SMG8: variants seen among roughly 807,000 people sequenced by gnomAD.
SMG8 encodes the protein nonsense-mediated mRNA decay factor SMG8.
In SMG8, 49 loss-of-function variants were observed where a neutral mutation model predicts 82.1. The ratio of observed to expected loss-of-function variants is 0.60; its 90% CI spans 0.47 to 0.76. The LOEUF (loss-of-function observed/expected upper bound fraction) is 0.76, where lower values mean the gene tolerates loss of function less well. SMG8 is among the 30% of genes least tolerant of loss of function. SMG8 has a pLI of 0.00. For missense variants in SMG8, 969 were observed against 1,166.4 expected, an observed-to-expected ratio of 0.83 and a Z score of 2.46; for synonymous variants, 404 against 430.0, an observed-to-expected ratio of 0.94 and a Z score of 0.75.
chr17:59,215,122 GAGTTC>G lies in SMG8; in HGVS notation c.*124_*128del. ...AATCCAAAATGTGTTTTGGTTACAG[GAGTTC>G]AGTATTTGGAAACTAATTTGTTCTA... On this transcript the variant is annotated 3_prime_UTR_variant, in exon 4 of 4. Transcript: ENST00000300917. 1 of 641,232 alleles carries G rather than the reference GAGTTC, an allele frequency of 1.6e-6. No individual in the cohort carries two copies. The highest frequency in any genetic ancestry group is 2.0e-5 in the South Asian group (1 of 50,568). 39.7% of individuals were successfully genotyped at this position (641,232 alleles called of 1,614,324 possible).
rs576944169 is a variant in SMG8 at position 59,210,323 on chromosome 17, G to C, written c.272G>C (p.Gly91Ala). ...RHQDPGDPGPGIRTEAGAVGE... is the reference protein window; with the variant it reads ...RHQDPGDPGPAIRTEAGAVGE... ...CAAGATCCTGGGGATCCAGGACCTG[G>C]AATCAGAACTGAGGCTGGCGCCGTG... Residue 91 changes from glycine to alanine, a missense_variant, in exon 1 of 4, where the codon GGA becomes GCA. Physicochemically the swap from Gly to Ala is moderately conservative, Grantham distance 60 (BLOSUM62 0). Around this residue, in one of 3 missense-constraint regions of SMG8, gnomAD observed 206 missense variants for 190.5 expected, o/e 1.08. Coordinates refer to ENST00000300917, the MANE Select transcript of SMG8 (RefSeq NM_018149.7). The C allele has an allele frequency of 7.2e-5, 116 of 1,612,982 alleles. 1 individual carries two copies. The South Asian group carries it at 1.2e-3, about 17-fold the overall frequency.
In SMG8 at chr17:59,212,788, A is replaced by T; in HGVS notation, c.1965A>T (p.Pro655=). The change falls in exon 3 of 4, where the codon CCA becomes CCT. Residue 655 remains proline, a synonymous_variant. Transcript: ENST00000300917. ...LDHINFPVFE[P]STPDPAPAKN... ...ATATCAATTTCCCAGTATTTGAACC[A>T]AGTACTCCAGATCCTGCTCCTGCTA... 1 of 1,613,868 alleles carries T rather than the reference A, an allele frequency of 6.2e-7. No individual in the cohort carries two copies. The highest frequency in any genetic ancestry group is 2.2e-5 in the East Asian group (1 of 44,880).
Position 59,210,092 on chromosome 17 carries a change from C to T in SMG8, c.41C>T (p.Ala14Val), listed in dbSNP as rs200954396. The change falls in exon 1 of 4, where the codon GCA (alanine) becomes GTA (valine). Residue 14 changes from alanine (A) to valine (V), a missense_variant. This residue lies in a region of SMG8 where 206 missense variants were observed against 190.5 expected (regional missense o/e 1.08). Coordinates refer to ENST00000300917, the MANE Select transcript of SMG8 (RefSeq NM_018149.7). ...PVSLRDLLMG[A>V]SAWMGSESPG... ...AGCTTGCGAGACCTTCTAATGGGAG[C>T]ATCAGCCTGGATGGGCTCTGAAAGT... 5.0e-4 allele frequency: 792 copies of T among 1,580,798 alleles called. 1 individual carries two copies. The highest frequency in any genetic ancestry group is 1.0e-3 in the Middle Eastern group (6 of 5,872).
intron 1 of SMG8, 185 bp downstream of exon 1, chr17:59,211,995 T>C: frequency 2.0e-6 from 1 of 495,898 alleles, no homozygotes. Context: ...TACTTTCTTA[T>C]TTTTTTTCAT....
At position 59,210,309 on chromosome 17, in the gene SMG8, G is replaced by T; in HGVS notation, c.258G>T (p.Gly86=). 6.2e-7 allele frequency: 1 copy of T among 1,613,096 alleles called. No individual in the cohort carries two copies. The highest frequency in any genetic ancestry group is 8.5e-7 in the Non-Finnish European group (1 of 1,179,744). Residue 86 remains glycine (G), a synonymous_variant, in exon 1 of 4, where the codon GGG becomes GGT. Transcript: ENST00000300917. ...VFPLFRHQDP[G]DPGPGIRTEA... ...CTCTCTTTCGCCACCAAGATCCTGG[G>T]GATCCAGGACCTGGAATCAGAACTG...
intron 1 of SMG8, 56 bp downstream of exon 1, chr17:59,211,866 CTT>C: frequency 7.0e-7 from 1 of 1,430,324 alleles, no homozygotes. Flanking sequence ...TGTTTTCATT[CTT>C]GTTTTAAGAT....
intron 2 of SMG8, 68 bp downstream of exon 2, chr17:59,212,554 T>C: frequency 6.5e-7 from 1 of 1,548,332 alleles, no homozygotes; most frequent in Non-Finnish European, 8.8e-7. Context: ...AGTAAAAACA[T>C]ATTTTCAATA....
rs147726953 is a variant in SMG8, at chr17:59,213,099, T to G, written c.2276T>G (p.Leu759Arg). 1.1e-5 allele frequency: 17 copies of G among 1,614,078 alleles called. No individual in the cohort carries two copies. The highest frequency in any genetic ancestry group is 1.3e-5 in the African/African-American group (1 of 74,934). The change falls in exon 3 of 4, where the codon CTC becomes CGC. Residue 759 changes from leucine (L) to arginine (R), a missense_variant. Leu to Arg is a moderately radical substitution (Grantham distance 102). This residue lies in a region of SMG8 where 662 missense variants were observed against 884.8 expected (regional missense o/e 0.75). Transcript: ENST00000300917. ...CTACATTCAAATTGCCCTAAAGGTC[T>G]CCTACCCAAATTCTCCAGCTGGTCT... ...GMLHSNCPKGLLPKFSSWSLV... is the reference protein window; with the variant it reads ...GMLHSNCPKGRLPKFSSWSLV...
At chr17:59,212,665 G>A in intron 2 of SMG8, 64 bp from the exon 3 acceptor site, 1 of 1,515,768 alleles carries the variant, frequency 6.6e-7, no homozygotes. Flanking sequence ...TATTGATCTT[G>A]TTAGAATGAA....
In SMG8 at chr17:59,215,030, C is replaced by T. The variant is rs760004342; in HGVS notation, c.*28C>T. ...GTTTTCCAGCCAGTTCAATCCTATA[C>T]TTGAGCTGGTTTTTGTTTTTGGTAT... On this transcript the variant is annotated 3_prime_UTR_variant, in exon 4 of 4. Transcript: ENST00000300917. 1.2e-6 allele frequency: 1 copy of T among 861,210 alleles called. No individual in the cohort carries two copies. The highest frequency in any genetic ancestry group is 2.0e-6 in the Non-Finnish European group (1 of 493,648). The allele number at this position is 861,210 out of a possible 1,614,324, so 53.3% of individuals were successfully genotyped here. A position where few individuals can be genotyped will look rare whatever the true frequency, so the allele number is the denominator to read the frequency against.
At chr17:59,211,883 T>C (rs75126179) in intron 1 of SMG8, 73 bp downstream of exon 1, 1,454 of 1,307,644 alleles carry the variant, frequency 1.1e-3, no homozygotes, top group Admixed American at 1.8e-3. Context: ...TAAGATAGTC[T>C]GTTCACTATG....
rs1440142457 is a variant in SMG8 at position 59,212,774 on chromosome 17, C to T, written c.1951C>T (p.Pro651Ser). ...TGGAAAATTGGATCATATCAATTTC[C>T]CAGTATTTGAACCAAGTACTCCAGA... ...CCGKLDHINF[P>S]VFEPSTPDPA... Residue 651 changes from proline (P) to serine (S), a missense_variant, in exon 3 of 4, where the codon CCA (proline) becomes TCA (serine). By Grantham distance (74) the Pro-to-Ser change is moderately conservative. Around this residue, in one of 3 missense-constraint regions of SMG8, gnomAD observed 662 missense variants for 884.8 expected, o/e 0.75. Coordinates refer to ENST00000300917, the MANE Select transcript of SMG8 (RefSeq NM_018149.7). 1.2e-6 allele frequency: 2 copies of T among 1,611,078 alleles called. No homozygotes were observed. Among genetic ancestry groups the T allele is most frequent in the Non-Finnish European group, 1.7e-6 (2 of 1,179,410 alleles).
rs1284983542 is a variant in SMG8, at chr17:59,211,310, T to C, written c.1259T>C (p.Leu420Pro). The change falls in exon 1 of 4, where the codon CTA becomes CCA. Residue 420 changes from leucine to proline, a missense_variant. Leu to Pro is a moderately conservative substitution (Grantham distance 98). This residue lies in a region of SMG8 where 662 missense variants were observed against 884.8 expected (regional missense o/e 0.75). Coordinates refer to ENST00000300917, the MANE Select transcript of SMG8 (RefSeq NM_018149.7). ...GAATTCCTATGGCAGCATGTGGAGCTAGTTCTAAGCAAGAAAGGTTTCGAT... is the reference window on the plus strand; with the variant it reads ...GAATTCCTATGGCAGCATGTGGAGCCAGTTCTAAGCAAGAAAGGTTTCGAT... Reference protein sequence around the residue: ...LREFLWQHVELVLSKKGFDDS... With the variant: ...LREFLWQHVEPVLSKKGFDDS... 2 of 1,614,110 alleles carry C rather than the reference T, an allele frequency of 1.2e-6. No individual in the cohort carries two copies. Among genetic ancestry groups the C allele is most frequent in the South Asian group, 2.2e-5 (2 of 91,072 alleles).
At position 59,212,853 on chromosome 17, in the gene SMG8, ATAAACT is replaced by A. The variant is rs1006731426; in HGVS notation, c.2035_2040del (p.Leu679_Lys680del). ...CCTGCTCCTCCAGATTCGGATGCTG[ATAAACT>A]TAAAGAAAAAGAACCTCAAACCCAA... On this transcript the variant is annotated inframe_deletion, in exon 3 of 4. Transcript: ENST00000300917. 9.9e-6 allele frequency: 16 copies of A among 1,614,004 alleles called. No individual in the cohort carries two copies. The highest frequency in any genetic ancestry group is 1.4e-5 in the Non-Finnish European group (16 of 1,180,052).
rs2046952626 is a variant in SMG8, at chr17:59,213,083, A to G, written c.2260A>G (p.Asn754Asp). The G allele has an allele frequency of 3.1e-6, 5 of 1,614,084 alleles. No homozygotes were observed. Among genetic ancestry groups the G allele is most frequent in the Middle Eastern group, 1.6e-4 (1 of 6,084 alleles). Residue 754 changes from asparagine to aspartate, a missense_variant, in exon 3 of 4, where the codon AAT (asparagine) becomes GAT (aspartate). By Grantham distance (23) the Asn-to-Asp change is conservative. Around this residue, in one of 3 missense-constraint regions of SMG8, gnomAD observed 662 missense variants for 884.8 expected, o/e 0.75. Coordinates refer to ENST00000300917, the MANE Select transcript of SMG8 (RefSeq NM_018149.7). ...VEYLPGMLHS[N>D]CPKGLLPKFS... ...GTATCTCCCAGGCATGCTACATTCAAATTGCCCTAAAGGTCTCCTACCCAA... is the reference window on the plus strand; with the variant it reads ...GTATCTCCCAGGCATGCTACATTCAGATTGCCCTAAAGGTCTCCTACCCAA...
rs766280476 is a variant in SMG8, at chr17:59,211,823, T to C, written c.1759+13T>C. 10 of 1,507,772 alleles carry C rather than the reference T, an allele frequency of 6.6e-6. No homozygotes were observed. In the South Asian group the frequency reaches 1.3e-4, roughly 20 times the overall value. The allele number at this position is 1,507,772 out of a possible 1,614,324, so 93.4% of individuals were successfully genotyped here. A position where few individuals can be genotyped will look rare whatever the true frequency, so the allele number is the denominator to read the frequency against. On this transcript the variant is annotated intron_variant, in intron 1 of 3. Transcript: ENST00000300917. ...TTACCTAAATCAGGTAGCTAAAATTTGTTCAGCATTTTGAAATAAAAACTT... is the reference window on the plus strand; with the variant it reads ...TTACCTAAATCAGGTAGCTAAAATTCGTTCAGCATTTTGAAATAAAAACTT...
Position 59,211,690 on chromosome 17 carries a change from T to TA in SMG8, c.1640dup (p.Tyr547Ter). ...QHARGPAFHK[Y>*]AMQLHEDCYK... ...TGCTAGAGGTCCAGCATTTCACAAA[T>TA]ACGCCATGCAGTTACATGAGGACTG... is the stretch of plus-strand genomic sequence containing the variant. Residue 547 changes from tyrosine to a stop codon, truncating the protein, a stop_gained and frameshift_variant, in exon 1 of 4, where the codon TAC becomes TAAC. Transcript: ENST00000300917. LOFTEE classifies it high-confidence loss of function. The TA allele has an allele frequency of 1.9e-6, 3 of 1,614,070 alleles. No homozygotes were observed. Among genetic ancestry groups the TA allele is most frequent in the Non-Finnish European group, 1.7e-6 (2 of 1,180,014 alleles).
intron 3 of SMG8, 119 bp from the exon 4 acceptor site, chr17:59,214,686 C>T (rs1252545039): frequency 9.2e-6 from 6 of 654,780 alleles, no homozygotes; most frequent in Admixed American, 5.3e-5. Flanking sequence ...GAATTACAGG[C>T]GTGAGCCACC....
Position 59,211,577 on chromosome 17 carries a change from G to A in SMG8, c.1526G>A (p.Ser509Asn), listed in dbSNP as rs1198327750. The change falls in exon 1 of 4, where the codon AGT becomes AAT. Residue 509 changes from serine (S) to asparagine (N), a missense_variant. Coordinates refer to ENST00000300917, the MANE Select transcript of SMG8 (RefSeq NM_018149.7). ...RCQKALPMAH[S>N]AYQSNLPHNY... Reference sequence around the variant, plus strand: ...CAAAAAGCTTTACCCATGGCCCACAGTGCCTACCAGTCAAATTTGCCTCAT... The same window carrying A: ...CAAAAAGCTTTACCCATGGCCCACAATGCCTACCAGTCAAATTTGCCTCAT... The A allele has an allele frequency of 6.2e-7, 1 of 1,614,066 alleles. No individual in the cohort carries two copies. The highest frequency in any genetic ancestry group is 8.5e-7 in the Non-Finnish European group (1 of 1,180,048).
Sources: gnomAD v4.1 joint callset for allele counts on GRCh38, gnomAD v4.1.1 for gene constraint, gnomAD v4.1.1 regional missense constraint, MANE v1.5 for transcripts, NCBI Gene and HGNC (gene_info 2026-07-23, HGNC 2026-07-21) for gene names.